PPFIA1: variants seen among roughly 807,000 people sequenced by gnomAD.
The protein encoded by PPFIA1 is PPFI scaffold protein A1.
PPFIA1 carries 25 observed loss-of-function variants against 149.9 expected under a neutral mutation model. The observed-to-expected ratio is 0.17, with a 90% CI of 0.12 to 0.23. The LOEUF (loss-of-function observed/expected upper bound fraction) is 0.23. Among genes scored for constraint, PPFIA1 ranks in the 10% least tolerant of loss-of-function variants. The pLI is 1.00. For synonymous variants in PPFIA1, 549 were observed against 552.8 expected (o/e 0.99, Z 0.10); for missense variants, 1,362 against 1,506.5 (o/e 0.90, Z 1.59).
chr11:70,295,675 C>A (rs575110320), intron 2 of PPFIA1, among the ~76,000 whole-genome samples: 1 of 134,078 alleles, frequency 7.5e-6, no homozygotes, highest in South Asian at 2.4e-4. Flanking sequence ...GGCGGCTGGC[C>A]GGGCCGGGGG....
chr11:70,376,354 T>C (rs2057490375), intron 24 of PPFIA1, among the ~76,000 whole-genome samples, 178 bp from the exon 25 acceptor site: 1 of 152,204 alleles, frequency 6.6e-6, no homozygotes, highest in Admixed American at 6.5e-5. Flanking sequence ...CTTGAACTCC[T>C]GACCTCAGGT....
At chr11:70,355,907 C>T (rs914172919) in intron 18 of PPFIA1, 96 bp downstream of exon 18, 19 of 1,450,000 alleles carry the variant, frequency 1.3e-5, no homozygotes, top group Non-Finnish European at 1.6e-5. Context: ...CTCCAGGAGC[C>T]GTGTGCTCTC....
At chr11:70,333,416 A>G in intron 9 of PPFIA1, 54 bp from the exon 10 acceptor site, 1 of 1,401,514 alleles carries the variant, frequency 7.1e-7, no homozygotes, top group Non-Finnish European at 1.0e-6. Flanking sequence ...GGTATGCAGC[A>G]TGTCGTTAAT....
intron 2 of PPFIA1, among the ~76,000 whole-genome samples, chr11:70,285,864 A>G (rs1267136549): frequency 6.6e-6 from 1 of 152,192 alleles, no homozygotes; most frequent in East Asian, 1.9e-4. Context: ...GCACCGTTCT[A>G]GGTGCTGAAT....
rs1375331781 is a variant in PPFIA1, at chr11:70,355,671, A to C, written c.2348A>C (p.Asn783Thr). The part of the protein sequence containing the change: ...STGSQDGPVS[N>T]PSSSNSSQDS... Reference sequence around the variant, plus strand: ...GGCTCCCAGGATGGTCCCGTGAGCAACCCCAGCAGTAGCAACAGTAGCCAG... The same window carrying C: ...GGCTCCCAGGATGGTCCCGTGAGCACCCCCAGCAGTAGCAACAGTAGCCAG... The change falls in exon 18 of 28, where the codon AAC becomes ACC. Residue 783 changes from asparagine (N) to threonine (T), a missense_variant. Asn to Thr is a moderately conservative substitution (Grantham distance 65). This residue lies in a region of PPFIA1 where 733 missense variants were observed against 744.1 expected (regional missense o/e 0.99). Coordinates refer to ENST00000253925, the MANE Select transcript of PPFIA1 (RefSeq NM_003626.5). 1.9e-6 allele frequency: 3 copies of C among 1,612,534 alleles called. No individual in the cohort carries two copies. Among genetic ancestry groups the C allele is most frequent in the South Asian group, 2.2e-5 (2 of 90,936 alleles).
chr11:70,350,508 A>C (rs2055991717), intron 16 of PPFIA1, among the ~76,000 whole-genome samples: 1 of 152,190 alleles, frequency 6.6e-6, no homozygotes, highest in South Asian at 2.1e-4. Flanking sequence ...TAAGCAATAA[A>C]TTTATTTTTG....
intron 16 of PPFIA1, among the ~76,000 whole-genome samples, chr11:70,353,653 A>G (rs543958811): frequency 6.6e-6 from 1 of 152,216 alleles, no homozygotes; most frequent in Non-Finnish European, 1.5e-5. Context: ...TAAGCCTAGA[A>G]GTATTTTCTT....
At chr11:70,295,341 C>T (rs2051857312) in intron 2 of PPFIA1, among the ~76,000 whole-genome samples, 2 of 144,704 alleles carry the variant, frequency 1.4e-5, no homozygotes, top group African/African-American at 2.6e-5. Flanking sequence ...CTGACCCCCC[C>T]CACCTCCCTC....
intron 14 of PPFIA1, among the ~76,000 whole-genome samples, chr11:70,341,406 G>T (rs572748587): frequency 6.6e-6 from 1 of 152,204 alleles, no homozygotes; most frequent in Non-Finnish European, 1.5e-5. Flanking sequence ...GAAGGAAAGA[G>T]AGGAAGTCAA....
chr11:70,381,622 C>G (rs1021982413), intron 26 of PPFIA1, among the ~76,000 whole-genome samples: 1 of 152,204 alleles, frequency 6.6e-6, no homozygotes, highest in African/African-American at 2.4e-5. Flanking sequence ...TTAGACTGGT[C>G]TTGTACCCGA....
At position 70,330,489 on chromosome 11, in the gene PPFIA1, T is replaced by G. The variant is rs1185393461; in HGVS notation, c.1077+170T>G. Among the ~76,000 whole-genome samples, 3 of 152,250 alleles carry G rather than the reference T, an allele frequency of 2.0e-5. No individual in the cohort carries two copies. In the East Asian group the frequency reaches 5.8e-4, roughly 29 times the overall value. Reference sequence around the variant, plus strand: ...GTTCCTTCAGTTTAGAGGTTTTGATTACGTAGGATTTGATTTAACCAATTT... The same window carrying G: ...GTTCCTTCAGTTTAGAGGTTTTGATGACGTAGGATTTGATTTAACCAATTT... On this transcript the variant is annotated intron_variant, in intron 8 of 27. Transcript: ENST00000253925.
chr11:70,376,255 C>T (rs896038906), intron 24 of PPFIA1, among the ~76,000 whole-genome samples: 8 of 152,114 alleles, frequency 5.3e-5, no homozygotes, highest in Non-Finnish European at 1.0e-4. Flanking sequence ...TCCCAAAGTA[C>T]TGGGATTACA....
At chr11:70,309,149 A>G (rs2053085531) in intron 2 of PPFIA1, among the ~76,000 whole-genome samples, 1 of 151,964 alleles carries the variant, frequency 6.6e-6, no homozygotes, top group Admixed American at 6.6e-5. Flanking sequence ...GTAATATTTC[A>G]GGTTGTTTTG....
At chr11:70,357,745 A>G (rs2056426033) in intron 19 of PPFIA1, among the ~76,000 whole-genome samples, 1 of 151,648 alleles carries the variant, frequency 6.6e-6, no homozygotes, top group Non-Finnish European at 1.5e-5. Context: ...CCGCCACCAC[A>G]CCCGGCTAAT....
chr11:70,315,702 T>TTTTTTTTTTTTTTTTC (rs2053577855), intron 2 of PPFIA1, among the ~76,000 whole-genome samples: 1 of 125,272 alleles, frequency 8.0e-6, no homozygotes, highest in Non-Finnish European at 1.7e-5. Context: ...TTTTTTTTTT[T>TTTTTTTTTTTTTTTTC]TGGTGGTAAA....
At chr11:70,277,054 A>ATT (rs1258818996) in intron 2 of PPFIA1, among the ~76,000 whole-genome samples, 2 of 28,928 alleles carry the variant, frequency 6.9e-5, no homozygotes, top group African/African-American at 1.5e-4. Flanking sequence ...ATATATATAT[A>ATT]TATATATTTT....
chr11:70,326,903 C>G, intron 7 of PPFIA1, 85 bp downstream of exon 7: 1 of 1,095,032 alleles, frequency 9.1e-7, no homozygotes, highest in Non-Finnish European at 1.4e-6. Context: ...CTCTGTTTGT[C>G]TCTTACTCTC....
chr11:70,374,800 T>G, intron 23 of PPFIA1, 118 bp from the exon 24 acceptor site: 1 of 922,338 alleles, frequency 1.1e-6, no homozygotes, highest in Non-Finnish European at 1.7e-6. Flanking sequence ...CCCAGCACTT[T>G]TCTCAGGAGC....
chr11:70,311,749 C>G (rs1408777821), intron 2 of PPFIA1, among the ~76,000 whole-genome samples: 1 of 144,354 alleles, frequency 6.9e-6, no homozygotes, highest in Non-Finnish European at 1.5e-5. Flanking sequence ...TTTGTGGATA[C>G]ATAAACCAAG....
Sources: allele counts gnomAD v4.1 joint callset (sites outside exome capture counted in the v4.1 genomes callset), GRCh38; gene constraint gnomAD v4.1.1; regional missense constraint gnomAD v4.1.1; transcripts MANE v1.5; gene names NCBI Gene and HGNC (gene_info 2026-07-23, HGNC 2026-07-21).